FASTKD2: variants seen among roughly 807,000 people sequenced by gnomAD.
The protein encoded by FASTKD2 is FAST kinase domains 2, also known as FAST kinase domain-containing protein 2, mitochondrial.
FASTKD2 carries 51 observed loss-of-function variants against 63.6 expected under a neutral mutation model. The observed-to-expected ratio is 0.80, with a 90% confidence interval of 0.64 to 1.01. The LOEUF is 1.01. FASTKD2 is among the 50% of genes least tolerant of loss of function. The probability of loss-of-function intolerance (pLI) is 0.00; values close to 1 mark genes in which losing one functional copy is unlikely to be tolerated. For synonymous variants in FASTKD2, 284 were observed against 293.4 expected (o/e 0.97, Z 0.33); for missense variants, 786 against 831.1 (o/e 0.95, Z 0.67).
chr2:206,765,648 C>A lies in FASTKD2; in HGVS notation c.-150C>A. 1 of 560,248 alleles carries A rather than the reference C, an allele frequency of 1.8e-6. No homozygotes were observed. The highest frequency in any genetic ancestry group is 6.9e-5 in the South Asian group (1 of 14,408). 34.7% of individuals were successfully genotyped at this position (560,248 alleles called of 1,614,324 possible). Reference sequence around the variant, plus strand: ...TCCTGTACGTAGTCACGGTCTTGTGCTCTAAGGTGAGTGGAGGACGAGCTT... The same window carrying A: ...TCCTGTACGTAGTCACGGTCTTGTGATCTAAGGTGAGTGGAGGACGAGCTT... On this transcript the variant is annotated 5_prime_UTR_variant, in exon 1 of 12. Transcript: ENST00000402774.
chr2:206,779,589 C>T (rs542073953), intron 7 of FASTKD2, among the ~76,000 whole-genome samples: 35 of 152,194 alleles, frequency 2.3e-4, no homozygotes, highest in African/African-American at 7.9e-4. Context: ...GTGAGAACTC[C>T]GTCACTATTA....
intron 7 of FASTKD2, among the ~76,000 whole-genome samples, chr2:206,784,531 C>T (rs1171468925): frequency 6.6e-6 from 1 of 152,132 alleles, no homozygotes; most frequent in African/African-American, 2.4e-5. Flanking sequence ...AAATATGTAA[C>T]GTTTAAGCTC....
chr2:206,780,826 T>C (rs1303960361), intron 7 of FASTKD2, among the ~76,000 whole-genome samples: 1 of 152,160 alleles, frequency 6.6e-6, no homozygotes, highest in Non-Finnish European at 1.5e-5. Flanking sequence ...CTTTTTGGAC[T>C]GGGTAATTTC....
intron 3 of FASTKD2, 130 bp downstream of exon 3, chr2:206,770,324 TAC>T: frequency 1.4e-6 from 1 of 717,330 alleles, no homozygotes; most frequent in African/African-American, 1.8e-5. Context: ...TGTTGGTAGT[TAC>T]AGTCTTTCAT....
At chr2:206,771,048 C>A in intron 3 of FASTKD2, 134 bp from the exon 4 acceptor site, 1 of 648,414 alleles carries the variant, frequency 1.5e-6, no homozygotes, top group Admixed American at 2.4e-5. Flanking sequence ...CTTACACTCT[C>A]TCAAGCAGGT....
intron 7 of FASTKD2, among the ~76,000 whole-genome samples, chr2:206,780,620 C>G (rs963563939): frequency 1.3e-5 from 2 of 151,920 alleles, no homozygotes; most frequent in African/African-American, 2.4e-5. Flanking sequence ...ATTTGGGGTC[C>G]TTTGAGCTTT....
intron 2 of FASTKD2, 134 bp downstream of exon 2, chr2:206,767,604 G>A: frequency 1.4e-6 from 1 of 732,186 alleles, no homozygotes; most frequent in Non-Finnish European, 2.3e-6. Flanking sequence ...ATTTATTTCT[G>A]CATATATATT....
At chr2:206,788,774 C>T (rs749215577) in intron 9 of FASTKD2, 45 bp from the exon 10 acceptor site, 2 of 907,394 alleles carry the variant, frequency 2.2e-6, no homozygotes, top group South Asian at 2.8e-5. Flanking sequence ...AAGAAAGTCA[C>T]TTGGAGGAAT....
Position 206,791,685 on chromosome 2 carries a change from C to A in FASTKD2, c.2016C>A (p.Val672=). The A allele has an allele frequency of 1.2e-6, 2 of 1,612,610 alleles. No homozygotes were observed. The highest frequency in any genetic ancestry group is 2.2e-5 in the South Asian group (2 of 91,052). The change falls in exon 12 of 12, where the codon GTC becomes GTA. Residue 672 remains valine, a splice_region_variant and synonymous_variant. Coordinates refer to ENST00000402774, the MANE Select transcript of FASTKD2 (RefSeq NM_001136193.2). The part of the protein sequence containing the change: ...LNAMGFHVIL[V]NNWEMDKLEM... Reference sequence around the variant, plus strand: ...TATTTTCCTCTTTCTTTGGTAAGGTCAATAACTGGGAGATGGACAAACTAG... The same window carrying A: ...TATTTTCCTCTTTCTTTGGTAAGGTAAATAACTGGGAGATGGACAAACTAG...
intron 7 of FASTKD2, among the ~76,000 whole-genome samples, chr2:206,779,848 C>T (rs1689921436): frequency 1.3e-5 from 2 of 152,048 alleles, no homozygotes; most frequent in Non-Finnish European, 2.9e-5. Flanking sequence ...TCCTTTGTGA[C>T]TTGTTGATTC....
rs912160047 is a variant in FASTKD2, at chr2:206,765,640, G to A, written c.-158G>A. 4 of 640,992 alleles carry A rather than the reference G, an allele frequency of 6.2e-6. No individual in the cohort carries two copies. Among genetic ancestry groups the A allele is most frequent in the African/African-American group, 2.0e-5 (1 of 50,980 alleles). The allele number at this position is 640,992 out of a possible 1,614,324, so 39.7% of individuals were successfully genotyped here. A position where few individuals can be genotyped will look rare whatever the true frequency, so the allele number is the denominator to read the frequency against. ...ATGGCTGCTCCTGTACGTAGTCACG[G>A]TCTTGTGCTCTAAGGTGAGTGGAGG... On this transcript the variant is annotated 5_prime_UTR_variant, in exon 1 of 12. Transcript: ENST00000402774.
intron 7 of FASTKD2, among the ~76,000 whole-genome samples, chr2:206,781,019 T>C (rs1169286217): frequency 6.6e-6 from 1 of 152,190 alleles, no homozygotes; most frequent in African/African-American, 2.4e-5. Flanking sequence ...ATTTTCCTAA[T>C]TTCATTTACT....
Position 206,770,095 on chromosome 2 carries a change from G to T in FASTKD2, c.782G>T (p.Arg261Leu), listed in dbSNP as rs918461594. 1.3e-6 allele frequency: 2 copies of T among 1,588,620 alleles called. No homozygotes were observed. Among genetic ancestry groups the T allele is most frequent in the African/African-American group, 2.7e-5 (2 of 74,412 alleles). ...VQTLLRVTQERINECDEICLS... is the reference protein window; with the variant it reads ...VQTLLRVTQELINECDEICLS... Reference sequence around the variant, plus strand: ...TTTGTAATTATATTTCAATAGGAACGTATCAATGAGTGTGATGAGATATGC... The same window carrying T: ...TTTGTAATTATATTTCAATAGGAACTTATCAATGAGTGTGATGAGATATGC... Residue 261 changes from arginine (R) to leucine (L), a missense_variant, in exon 3 of 12, where the codon CGT becomes CTT. Coordinates refer to ENST00000402774, the MANE Select transcript of FASTKD2 (RefSeq NM_001136193.2).
chr2:206,771,107 A>G, intron 3 of FASTKD2, 75 bp from the exon 4 acceptor site: 1 of 879,486 alleles, frequency 1.1e-6, no homozygotes, highest in South Asian at 1.4e-5. Context: ...AAGGGGCTGG[A>G]CCAAATGAAA....
chr2:206,782,237 T>G (rs1690009387), intron 7 of FASTKD2, among the ~76,000 whole-genome samples: 1 of 152,240 alleles, frequency 6.6e-6, no homozygotes, highest in Non-Finnish European at 1.5e-5. Flanking sequence ...GGTGCTGAGC[T>G]GTGCCGGCTT....
Position 206,793,128 on chromosome 2 carries a change from AG to A in FASTKD2, c.*1330del, listed in dbSNP as rs1396607802. 1.4e-5 allele frequency among the ~76,000 whole-genome samples: 2 copies of A among 144,652 alleles called. No homozygotes were observed. The highest frequency in any genetic ancestry group is 5.1e-5 in the African/African-American group (2 of 39,252). 94.9% of individuals were successfully genotyped at this position (144,652 alleles called of 152,430 possible). A position where few individuals can be genotyped will look rare whatever the true frequency, so the allele number is the denominator to read the frequency against. ...TCCCAGCTACTGGGGAGGCTGAGGC[AG>A]GGGAATCGCTTGAACCCGGGAGGTG... On this transcript the variant is annotated 3_prime_UTR_variant, in exon 12 of 12. Transcript: ENST00000402774.
intron 7 of FASTKD2, among the ~76,000 whole-genome samples, chr2:206,784,467 C>T (rs1184183943): frequency 2.6e-5 from 4 of 152,206 alleles, no homozygotes; most frequent in African/African-American, 2.4e-5. Context: ...GATGGCCCAT[C>T]GGGGAGAGGG....
At chr2:206,791,285 G>A (rs187395302) in intron 11 of FASTKD2, 4 of 219,136 alleles carry the variant, frequency 1.8e-5, no homozygotes, top group Non-Finnish European at 3.6e-5. Context: ...AATGTAAGAT[G>A]TAAACATTCC....
chr2:206,771,108 C>T, intron 3 of FASTKD2, 74 bp from the exon 4 acceptor site: 2 of 892,494 alleles, frequency 2.2e-6, no homozygotes, highest in South Asian at 2.8e-5. Context: ...AGGGGCTGGA[C>T]CAAATGAAAT....
Sources: allele counts gnomAD v4.1 joint callset (sites outside exome capture counted in the v4.1 genomes callset), GRCh38; gene constraint gnomAD v4.1.1; transcripts MANE v1.5; gene names NCBI Gene and HGNC (gene_info 2026-07-23, HGNC 2026-07-21).